The following FBXW8 variants were observed in gnomAD, a reference collection of about 807,000 sequenced individuals.
FBXW8 encodes the protein F-box and WD repeat domain containing 8.
In FBXW8, 57 loss-of-function variants were observed where a neutral mutation model predicts 65.3. The observed-to-expected ratio is 0.87, with a 90% confidence interval of 0.71 to 1.09. The LOEUF (loss-of-function observed/expected upper bound fraction) is 1.09. FBXW8 is among the 50% of genes least tolerant of loss of function. FBXW8 has a pLI of 0.00. For missense variants in FBXW8, 777 were observed against 814.8 expected (o/e 0.95, Z 0.57); for synonymous variants, 308 against 330.2 (o/e 0.93, Z 0.73).
intron 5 of FBXW8, chr12:116,978,325 A>G (rs767503773): frequency 6.6e-6 from 1 of 152,208 alleles, no homozygotes; most frequent in East Asian, 1.9e-4. Context: ...TGCTAGTTTT[A>G]TGTCTCTGGC....
At chr12:116,923,641 A>G (rs940550459) in intron 1 of FBXW8, among the ~76,000 whole-genome samples, 2 of 151,880 alleles carry the variant, frequency 1.3e-5, no homozygotes, top group African/African-American at 4.8e-5. Context: ...CTCCTGGCTC[A>G]GCCTCTCGAG....
At chr12:116,954,286 T>C (rs1401737442) in intron 4 of FBXW8, among the ~76,000 whole-genome samples, 1 of 152,184 alleles carries the variant, frequency 6.6e-6, no homozygotes, top group Non-Finnish European at 1.5e-5. Context: ...TGCATGTTTT[T>C]TCATAGTGTG....
intron 4 of FBXW8, chr12:116,951,266 A>C (rs1252288168): frequency 6.6e-6 from 1 of 152,138 alleles, no homozygotes; most frequent in Non-Finnish European, 1.5e-5. Context: ...AGCATGAGAG[A>C]CTTCAGTCTT....
chr12:116,913,529 A>G (rs774994719), intron 1 of FBXW8, among the ~76,000 whole-genome samples: 4 of 152,256 alleles, frequency 2.6e-5, no homozygotes, highest in African/African-American at 4.8e-5. Context: ...TGTCATTAAG[A>G]AAATTATAAG....
chr12:116,986,596 A>G (rs138735735), intron 6 of FBXW8: 1 of 152,170 alleles, frequency 6.6e-6, no homozygotes, highest in Non-Finnish European at 1.5e-5. Flanking sequence ...ACTGCAGTCC[A>G]GCCTGGGCAA....
chr12:116,941,317 A>C (rs1278742741), intron 2 of FBXW8, among the ~76,000 whole-genome samples: 1 of 152,238 alleles, frequency 6.6e-6, no homozygotes, highest in Non-Finnish European at 1.5e-5. Context: ...AGACTGAGAC[A>C]GCGTGACACT....
intron 7 of FBXW8, among the ~76,000 whole-genome samples, chr12:116,994,449 G>A (rs554864672): frequency 9.8e-5 from 15 of 152,316 alleles, no homozygotes; most frequent in African/African-American, 3.6e-4. Flanking sequence ...TAGGAAGGAA[G>A]GGTATGTGGT....
intron 5 of FBXW8, chr12:116,978,042 A>G (rs1403875612): frequency 1.3e-5 from 2 of 152,142 alleles, no homozygotes; most frequent in African/African-American, 4.8e-5. Flanking sequence ...CCATAAGCCT[A>G]TTCAGATTCT....
chr12:117,027,826 T>G (rs1186701120), intron 10 of FBXW8, among the ~76,000 whole-genome samples: 1 of 152,222 alleles, frequency 6.6e-6, no homozygotes, highest in East Asian at 1.9e-4. Context: ...TGACACTCAC[T>G]GCGCCCATCG....
intron 2 of FBXW8, among the ~76,000 whole-genome samples, chr12:116,931,394 C>CT (rs973954221): frequency 2.2e-4 from 33 of 149,248 alleles, no homozygotes; most frequent in East Asian, 5.9e-4. Flanking sequence ...CAAATTTTAT[C>CT]TTTTTTTTTT....
chr12:116,970,199 G>A (rs1592903552), intron 5 of FBXW8, among the ~76,000 whole-genome samples: 1 of 152,104 alleles, frequency 6.6e-6, no homozygotes, highest in African/African-American at 2.4e-5. Flanking sequence ...TTGAAATCTC[G>A]CTCTTTGGTG....
At chr12:116,923,400 AAC>A (rs1215786174) in intron 1 of FBXW8, among the ~76,000 whole-genome samples, 1 of 152,224 alleles carries the variant, frequency 6.6e-6, no homozygotes, top group East Asian at 1.9e-4. Context: ...TATGTTATCA[AAC>A]AGATACTTTT....
intron 6 of FBXW8, 31 bp downstream of exon 6, chr12:116,985,433 C>T (rs751583937): frequency 1.2e-5 from 19 of 1,598,944 alleles, no homozygotes; most frequent in Non-Finnish European, 1.6e-5. Context: ...ATCTTATTTT[C>T]TATTCTTAGA....
intron 2 of FBXW8, among the ~76,000 whole-genome samples, chr12:116,943,327 A>G (rs187837042): frequency 2.0e-4 from 31 of 152,328 alleles, no homozygotes; most frequent in Admixed American, 3.9e-4. Context: ...AACTCTGGAA[A>G]TAGAATCTTT....
chr12:116,990,061 C>T (rs1953198758), intron 7 of FBXW8, among the ~76,000 whole-genome samples: 1 of 152,276 alleles, frequency 6.6e-6, no homozygotes, highest in African/African-American at 2.4e-5. Context: ...ATGTATTTGA[C>T]CTGTAAGGTC....
At chr12:116,933,413 C>G (rs1173619206) in intron 2 of FBXW8, among the ~76,000 whole-genome samples, 2 of 152,190 alleles carry the variant, frequency 1.3e-5, no homozygotes, top group African/African-American at 4.8e-5. Flanking sequence ...AAGAGTTTAT[C>G]AGAGAAAGAT....
chr12:116,962,411 G>C (rs1314350787), intron 4 of FBXW8, among the ~76,000 whole-genome samples: 5 of 152,162 alleles, frequency 3.3e-5, no homozygotes, highest in Admixed American at 3.3e-4. Flanking sequence ...TTTGTGTTCA[G>C]GGAGCTGGGG....
At chr12:117,003,377 T>C (rs150547266) in intron 7 of FBXW8, among the ~76,000 whole-genome samples, 2 of 152,312 alleles carry the variant, frequency 1.3e-5, no homozygotes, top group Non-Finnish European at 2.9e-5. Context: ...ACCCTGGGCA[T>C]CTGGCATCTT....
intron 8 of FBXW8, among the ~76,000 whole-genome samples, chr12:117,015,118 T>TG (rs1054910438): frequency 7.2e-5 from 11 of 152,104 alleles, no homozygotes; most frequent in African/African-American, 2.7e-4. Flanking sequence ...GTCAGAAAGA[T>TG]GGAGTTTCTA....
Sources: gnomAD v4.1 joint callset for allele counts (sites outside exome capture counted in the v4.1 genomes callset) on GRCh38, gnomAD v4.1.1 for gene constraint, MANE v1.5 for transcripts, NCBI Gene and HGNC (gene_info 2026-07-23, HGNC 2026-07-21) for gene names.